MYOF: variants seen among roughly 807,000 people sequenced by gnomAD.
The protein encoded by MYOF is fer-1-like 3, myoferlin.
MYOF carries 244 observed loss-of-function variants against 284.2 expected under a neutral mutation model. The observed-to-expected ratio is 0.86, with a 90% CI of 0.77 to 0.95. MYOF has a LOEUF of 0.95. MYOF is among the 40% of genes least tolerant of loss of function. The pLI is 0.00. For synonymous variants in MYOF, 904 were observed against 919.7 expected (o/e 0.98, Z 0.31); for missense variants, 2,496 against 2,560.6 (o/e 0.97, Z 0.54).
At chr10:93,380,445 A>G (rs1846060168) in intron 20 of MYOF, among the ~76,000 whole-genome samples, 1 of 152,208 alleles carries the variant, frequency 6.6e-6, no homozygotes, top group Non-Finnish European at 1.5e-5. Context: ...CTAGAGCCTT[A>G]CTGTGATTAA....
chr10:93,378,327 C>T (rs549210325), intron 21 of MYOF, among the ~76,000 whole-genome samples: 2 of 152,264 alleles, frequency 1.3e-5, no homozygotes, highest in South Asian at 4.2e-4. Flanking sequence ...TGCTGAAGAG[C>T]ATCTCAAACA....
rs751336447 is a variant in MYOF at position 93,381,266 on chromosome 10, C to T, written c.1829G>A (p.Cys610Tyr). 30 of 1,614,090 alleles carry T rather than the reference C, an allele frequency of 1.9e-5. No individual in the cohort carries two copies. Among genetic ancestry groups the T allele is most frequent in the Admixed American group, 3.3e-5 (2 of 59,994 alleles). ...CTGAGTTGTTGATGCCAAAGGCTTA[C>T]AGGTGGTGTCAAACTTGTTGCCATA... Reference protein sequence around the residue: ...GNYGNKFDTTCKPLASTTQYS... With the variant: ...GNYGNKFDTTYKPLASTTQYS... The change falls in exon 20 of 54, where the codon TGT (cysteine) becomes TAT (tyrosine). Residue 610 changes from cysteine (C) to tyrosine (Y), a missense_variant. Transcript: ENST00000359263.
intron 5 of MYOF, among the ~76,000 whole-genome samples, chr10:93,413,333 C>A (rs1248359569): frequency 1.3e-5 from 2 of 152,202 alleles, no homozygotes; most frequent in Non-Finnish European, 2.9e-5. Flanking sequence ...AATATTCAAG[C>A]AGGAAACCTC....
At chr10:93,337,567 A>G (rs1843672749) in intron 40 of MYOF, 2 of 441,826 alleles carry the variant, frequency 4.5e-6, no homozygotes, top group African/African-American at 2.0e-5. Context: ...ATTCCCAACC[A>G]TCTGCCAGAT....
intron 13 of MYOF, among the ~76,000 whole-genome samples, chr10:93,398,267 C>A (rs1215984624): frequency 1.3e-5 from 2 of 152,120 alleles, no homozygotes; most frequent in Non-Finnish European, 2.9e-5. Context: ...CCTCCCCAAT[C>A]TCTGCATATC....
chr10:93,439,189 GCAGGTAACA>G (rs1223166999), intron 3 of MYOF, among the ~76,000 whole-genome samples: 1 of 146,958 alleles, frequency 6.8e-6, no homozygotes, highest in African/African-American at 2.7e-5. Flanking sequence ...TGTTACCTTT[GCAGGTAACA>G]CCTGCAAAGG....
intron 24 of MYOF, among the ~76,000 whole-genome samples, chr10:93,370,944 T>C (rs553469411): frequency 6.6e-6 from 1 of 152,276 alleles, no homozygotes; most frequent in African/African-American, 2.4e-5. Context: ...ATGACAAAAT[T>C]CCAGCTTTCA....
intron 5 of MYOF, among the ~76,000 whole-genome samples, chr10:93,418,572 GCCAGTCTAGATAACAAAGC>G (rs1350618914): frequency 3.3e-5 from 5 of 152,194 alleles, no homozygotes; most frequent in African/African-American, 7.2e-5. Context: ...CAGGCTGTGA[GCCAGTCTAGATAACAAAGC>G]CCAGAGATCT....
chr10:93,454,126 G>A (rs2056673546), intron 2 of MYOF, among the ~76,000 whole-genome samples: 1 of 152,138 alleles, frequency 6.6e-6, no homozygotes, highest in African/African-American at 2.4e-5. Context: ...AAGTTGCAGT[G>A]AGCCGAGATC....
intron 25 of MYOF, among the ~76,000 whole-genome samples, chr10:93,369,110 CTT>C (rs66923086): frequency 0.31 from 23,629 of 76,946 alleles, 1,131 homozygotes; most frequent in Middle Eastern, 0.4. Flanking sequence ...ATTCAGACAG[CTT>C]TTTTTTTTTT....
At chr10:93,322,555 T>C (rs946085646) in intron 48 of MYOF, among the ~76,000 whole-genome samples, 6 of 152,186 alleles carry the variant, frequency 3.9e-5, no homozygotes, top group Non-Finnish European at 8.8e-5. Flanking sequence ...TAAGAGAATA[T>C]TGAACAACAA....
At position 93,392,936 on chromosome 10, in the gene MYOF, A is replaced by G. The variant is rs1218190173; in HGVS notation, c.1437T>C (p.Thr479=). Residue 479 remains threonine, a synonymous_variant, in exon 17 of 54, where the codon ACT becomes ACC. Transcript: ENST00000359263. The part of the protein sequence containing the change: ...GEVEDFSSSG[T]GAASYTVNTG... ...ATAAACCTGTATATGATGCAGCCCCAGTTCCCGAAGATGAGAAATCTATAT... is the reference window on the plus strand; with the variant it reads ...ATAAACCTGTATATGATGCAGCCCCGGTTCCCGAAGATGAGAAATCTATAT... 1.9e-5 allele frequency: 31 copies of G among 1,612,458 alleles called. No homozygotes were observed. The highest frequency in any genetic ancestry group is 1.6e-4 in the Middle Eastern group (1 of 6,080).
At chr10:93,407,531 C>A (rs1237370282) in intron 7 of MYOF, among the ~76,000 whole-genome samples, 1 of 146,086 alleles carries the variant, frequency 6.8e-6, no homozygotes, top group Admixed American at 6.9e-5. Flanking sequence ...GAGATCGAGA[C>A]CATCCTGGCC....
At chr10:93,332,645 A>T (rs1215018439) in intron 43 of MYOF, among the ~76,000 whole-genome samples, 1 of 150,474 alleles carries the variant, frequency 6.6e-6, no homozygotes. Context: ...GGAGATTGAG[A>T]CCACCCTGGC....
At chr10:93,411,087 A>G (rs1847881910) in intron 5 of MYOF, among the ~76,000 whole-genome samples, 1 of 152,294 alleles carries the variant, frequency 6.6e-6, no homozygotes, top group Non-Finnish European at 1.5e-5. Flanking sequence ...CGAAGCCTTT[A>G]GCACAGTATC....
At chr10:93,410,200 T>G (rs1009220832) in intron 5 of MYOF, among the ~76,000 whole-genome samples, 16 of 152,184 alleles carry the variant, frequency 1.1e-4, no homozygotes, top group Non-Finnish European at 4.4e-5. Context: ...TTGAGCCTCC[T>G]AATTCACAAC....
At chr10:93,481,570 C>T (rs1332409624) in intron 1 of MYOF, among the ~76,000 whole-genome samples, 2 of 152,218 alleles carry the variant, frequency 1.3e-5, no homozygotes, top group East Asian at 3.9e-4. Context: ...AAAAAAAGCT[C>T]CCCAACAGTT....
rs764871330 is a variant in MYOF at position 93,366,537 on chromosome 10, T to C, written c.2608A>G (p.Met870Val). The change falls in exon 26 of 54, where the codon ATG (methionine) becomes GTG (valine). Residue 870 changes from methionine (M) to valine (V), a missense_variant. By Grantham distance (21) the Met-to-Val change is conservative (BLOSUM62 1). Transcript: ENST00000359263. Reference sequence around the variant, plus strand: ...CCAGAAGTACCCCATTTTCCAAACATGAGAGCTTGATTTTCATACTATTAA... The same window carrying C: ...CCAGAAGTACCCCATTTTCCAAACACGAGAGCTTGATTTTCATACTATTAA... ...FAEMYENQAL[M>V]FGKWGTSGLV... is the part of the protein sequence containing the mutation. The C allele has an allele frequency of 9.3e-6, 15 of 1,606,240 alleles. No homozygotes were observed. The highest frequency in any genetic ancestry group is 1.2e-5 in the Non-Finnish European group (14 of 1,177,770).
At chr10:93,433,120 C>A (rs1010838203) in intron 3 of MYOF, among the ~76,000 whole-genome samples, 1 of 151,956 alleles carries the variant, frequency 6.6e-6, no homozygotes. Flanking sequence ...GTATGTATCC[C>A]GAAAACGGAC....
Sources: gnomAD v4.1 joint callset for allele counts (sites outside exome capture counted in the v4.1 genomes callset) on GRCh38, gnomAD v4.1.1 for gene constraint, MANE v1.5 for transcripts, NCBI Gene and HGNC (gene_info 2026-07-23, HGNC 2026-07-21) for gene names.